Variants in FAM91A1 observed in about 807,000 individuals in gnomAD.
FAM91A1 encodes the protein protein FAM91A1.
Under a neutral mutation model 113.5 loss-of-function variants are expected in FAM91A1, and 41 were observed. The observed-to-expected ratio is 0.36, with a 90% confidence interval of 0.28 to 0.47. The LOEUF (loss-of-function observed/expected upper bound fraction) is 0.47, where lower values mean the gene tolerates loss of function less well. FAM91A1 is among the 20% of genes least tolerant of loss of function. The pLI, the probability that FAM91A1 is intolerant of heterozygous loss-of-function variation, is 1.00. For synonymous variants in FAM91A1, 307 were observed against 347.9 expected, an observed-to-expected ratio of 0.88 and a Z score of 1.31; for missense variants, 696 against 1,001.2, an observed-to-expected ratio of 0.70 and a Z score of 4.11.
chr8:123,792,334 A>C (rs1225245050), intron 15 of FAM91A1, among the ~76,000 whole-genome samples: 1 of 152,182 alleles, frequency 6.6e-6, no homozygotes, highest in Non-Finnish European at 1.5e-5. Flanking sequence ...ATACAAGCAA[A>C]CTCTGTTATA....
intron 15 of FAM91A1, among the ~76,000 whole-genome samples, chr8:123,793,458 G>A (rs1286699802): frequency 1.3e-5 from 2 of 152,146 alleles, no homozygotes; most frequent in Non-Finnish European, 2.9e-5. Context: ...TTCTCTGTAT[G>A]AATTTATGAA....
At chr8:123,773,502 A>G (rs1383340587) in intron 1 of FAM91A1, among the ~76,000 whole-genome samples, 1 of 152,252 alleles carries the variant, frequency 6.6e-6, no homozygotes, top group Admixed American at 6.5e-5. Flanking sequence ...ACTTTAGCTT[A>G]TTAAAAATGG....
intron 18 of FAM91A1, among the ~76,000 whole-genome samples, chr8:123,802,363 G>A (rs1815707358): frequency 6.6e-6 from 1 of 152,156 alleles, no homozygotes; most frequent in Non-Finnish European, 1.5e-5. Flanking sequence ...AAAGATTCTG[G>A]GGTATTTGAC....
In FAM91A1 at chr8:123,785,717, A is replaced by C. The variant is rs764887456; in HGVS notation, c.938A>C (p.Asn313Thr). ...NLDQLHSSWKNVPSVNRLKST... is the reference protein window; with the variant it reads ...NLDQLHSSWKTVPSVNRLKST... ...GATCAACTTCATTCATCATGGAAGA[A>C]TGTTCCATCCGTAAACAGATTAAAG... Residue 313 changes from asparagine (N) to threonine (T), a missense_variant, in exon 11 of 24, where the codon AAT becomes ACT. Coordinates refer to ENST00000334705, the MANE Select transcript of FAM91A1 (RefSeq NM_144963.4). 5.6e-6 allele frequency: 9 copies of C among 1,607,898 alleles called. No individual in the cohort carries two copies. In the Admixed American group the frequency reaches 1.5e-4, roughly 28 times the overall value.
chr8:123,775,052 TC>T, intron 2 of FAM91A1, 94 bp from the exon 3 acceptor site: 1 of 1,175,064 alleles, frequency 8.5e-7, no homozygotes, highest in South Asian at 2.0e-5. Context: ...TACATACTTT[TC>T]TTTTAAATTA....
intron 23 of FAM91A1, chr8:123,811,434 C>A (rs1246542469): frequency 2.6e-5 from 4 of 152,080 alleles, no homozygotes; most frequent in African/African-American, 9.7e-5. Context: ...GGAAAAATTT[C>A]AAAATTCTGT....
Position 123,768,455 on chromosome 8 carries a change from G to A in FAM91A1, c.-248G>A. 2 of 426,428 alleles carry A rather than the reference G, an allele frequency of 4.7e-6. No homozygotes were observed. The highest frequency in any genetic ancestry group is 4.2e-5 in the African/African-American group (2 of 47,798). The allele number at this position is 426,428 out of a possible 1,614,324, so 26.4% of individuals were successfully genotyped here. On this transcript the variant is annotated 5_prime_UTR_variant, in exon 1 of 24. Transcript: ENST00000334705. ...CGTGTGCCCAGAGCCATTTCCGGCG[G>A]CCCGAAACTAGGAAGAAACTTGGAG... is the stretch of plus-strand genomic sequence containing the variant.
rs1265064073 is a variant in FAM91A1 at position 123,780,413 on chromosome 8, T to C, written c.641-67T>C. On this transcript the variant is annotated intron_variant, in intron 7 of 23. Coordinates refer to ENST00000334705, the MANE Select transcript of FAM91A1 (RefSeq NM_144963.4). ...AGAATCTTTACAGAAAGCCAGGAATTAGTTTTTTTAAAAAAATCACTGTTG... is the reference window on the plus strand; with the variant it reads ...AGAATCTTTACAGAAAGCCAGGAATCAGTTTTTTTAAAAAAATCACTGTTG... The C allele has an allele frequency of 2.5e-6, 3 of 1,180,602 alleles. No individual in the cohort carries two copies. The African/African-American group carries it at 4.7e-5, about 18-fold the overall frequency. 73.1% of individuals were successfully genotyped at this position (1,180,602 alleles called of 1,614,324 possible).
rs147349764 is a variant in FAM91A1 at position 123,795,023 on chromosome 8, T to C, written c.1412-3067T>C. On this transcript the variant is annotated intron_variant, in intron 15 of 23. Coordinates refer to ENST00000334705, the MANE Select transcript of FAM91A1 (RefSeq NM_144963.4). ...TCTCATATTGAAAATGCAGCTTTTA[T>C]GTGGGTGCAGGATTACTATAAGAAA... Among the ~76,000 whole-genome samples, 5 of 152,334 alleles carry C rather than the reference T, an allele frequency of 3.3e-5. No homozygotes were observed. In the East Asian group the frequency reaches 9.6e-4, roughly 29 times the overall value.
chr8:123,783,507 A>G (rs752402441), intron 8 of FAM91A1, among the ~76,000 whole-genome samples: 1 of 152,210 alleles, frequency 6.6e-6, no homozygotes, highest in Non-Finnish European at 1.5e-5. Flanking sequence ...CCTCAGATGT[A>G]TGTACATTGT....
chr8:123,791,201 G>C (rs766381791), intron 15 of FAM91A1, among the ~76,000 whole-genome samples: 12 of 151,858 alleles, frequency 7.9e-5, no homozygotes, highest in Non-Finnish European at 1.5e-4. Context: ...GTTTATATTA[G>C]CTAAATCTTC....
At chr8:123,770,104 C>T (rs1255015822) in intron 1 of FAM91A1, among the ~76,000 whole-genome samples, 2 of 152,148 alleles carry the variant, frequency 1.3e-5, no homozygotes, top group Non-Finnish European at 2.9e-5. Context: ...AGGTGCGCGC[C>T]ACCACGCCCA....
chr8:123,812,580 C>T lies in FAM91A1; in HGVS notation c.2393C>T (p.Ser798Leu). Residue 798 changes from serine to leucine, a missense_variant, in exon 24 of 24, where the codon TCA becomes TTA. By Grantham distance (145) the Ser-to-Leu change is moderately radical (BLOSUM62 -2). Transcript: ENST00000334705. ...AGTTTTTCAAGTTTGCTTTCACAGT[C>T]ATCGTGTGCTGACATGGGTGTTCCA... ...EPSFSSLLSQ[S>L]SCADMGVPLP... 6.2e-7 allele frequency: 1 copy of T among 1,606,994 alleles called. No homozygotes were observed. The highest frequency in any genetic ancestry group is 8.5e-7 in the Non-Finnish European group (1 of 1,177,572).
At chr8:123,810,707 C>A in intron 23 of FAM91A1, 1 of 280,414 alleles carries the variant, frequency 3.6e-6, no homozygotes. Context: ...GTTGTGGCAG[C>A]GAAGGCCAGT....
chr8:123,793,059 T>G lies in FAM91A1; in HGVS notation c.1411+3314T>G, dbSNP rs150011515. Among the ~76,000 whole-genome samples the G allele has an allele frequency of 2.6e-4, 40 of 152,236 alleles. No homozygotes were observed. The East Asian group carries it at 6.8e-3, about 26-fold the overall frequency. On this transcript the variant is annotated intron_variant, in intron 15 of 23. Coordinates refer to ENST00000334705, the MANE Select transcript of FAM91A1 (RefSeq NM_144963.4). ...GATGTAGCCCTTCCTTTAGGACCCC[T>G]CCCAGAAAATATGCTGACGTTATGG...
chr8:123,794,426 A>G (rs1815458788), intron 15 of FAM91A1, among the ~76,000 whole-genome samples: 1 of 152,260 alleles, frequency 6.6e-6, no homozygotes, highest in Admixed American at 6.5e-5. Flanking sequence ...TACAGATCAC[A>G]CAGTGACATT....
intron 3 of FAM91A1, 96 bp downstream of exon 3, chr8:123,775,394 C>A: frequency 7.1e-7 from 1 of 1,406,830 alleles, no homozygotes; most frequent in South Asian, 1.4e-5. Flanking sequence ...CTGTCGTCTG[C>A]GGTGGACACT....
In FAM91A1 at chr8:123,799,868, T is replaced by G. The variant is rs375367605; in HGVS notation, c.1792T>G (p.Ser598Ala). The G allele has an allele frequency of 5.7e-5, 91 of 1,591,700 alleles. No individual in the cohort carries two copies. Among genetic ancestry groups the G allele is most frequent in the Middle Eastern group, 5.0e-4 (3 of 5,976 alleles). ...LTMLNDALTHSAVLIQGHGLH... is the reference protein window; with the variant it reads ...LTMLNDALTHAAVLIQGHGLH... The stretch of plus-strand genomic sequence containing the variant: ...GATGTTGAATGATGCTTTAACACAT[T>G]CTGCAGTTTTAATTCAGGTACATTT... The change falls in exon 18 of 24, where the codon TCT becomes GCT. Residue 598 changes from serine to alanine, a missense_variant. Transcript: ENST00000334705.
rs115823649 is a variant in FAM91A1 at position 123,806,056 on chromosome 8, A to G, written c.1883-24A>G. On this transcript the variant is annotated intron_variant, in intron 19 of 23. Transcript: ENST00000334705. ...TTGTGTTATTAGAAACTGTTCATTA[A>G]TGTGATGTCCGTTCTGTTTGTAGAG... is the stretch of plus-strand genomic sequence containing the variant. 1,008 of 1,519,912 alleles carry G rather than the reference A, an allele frequency of 6.6e-4. 9 individuals carry two copies. In the African/African-American group the frequency reaches 0.012, roughly 19 times the overall value. The allele number at this position is 1,519,912 out of a possible 1,614,324, so 94.2% of individuals were successfully genotyped here. A position where few individuals can be genotyped will look rare whatever the true frequency, so the allele number is the denominator to read the frequency against.
Sources: allele counts gnomAD v4.1 joint callset (sites outside exome capture counted in the v4.1 genomes callset), GRCh38; gene constraint gnomAD v4.1.1; transcripts MANE v1.5; gene names NCBI Gene and HGNC (gene_info 2026-07-23, HGNC 2026-07-21).